The following GINS1 variants were observed in gnomAD, a reference collection of about 807,000 sequenced individuals.
GINS1 encodes the protein DNA replication complex GINS protein PSF1.
In GINS1, 26 loss-of-function variants were observed where a neutral mutation model predicts 34.9. The observed-to-expected ratio is 0.74, with a 90% CI of 0.55 to 1.03. GINS1 has a LOEUF of 1.03. Ranked by LOEUF, GINS1 falls within the 50% of genes least tolerant of loss-of-function variation. The pLI, the probability that GINS1 is intolerant of heterozygous loss-of-function variation, is 0.00. For missense variants in GINS1, 235 were observed against 237.9 expected (o/e 0.99, Z 0.08); for synonymous variants, 97 against 84.4 (o/e 1.15, Z -0.82).
At position 25,417,126 on chromosome 20, in the gene GINS1, C is replaced by A; in HGVS notation, c.163C>A (p.Arg55=). The A allele has an allele frequency of 1.3e-6, 2 of 1,575,994 alleles. No individual in the cohort carries two copies. Among genetic ancestry groups the A allele is most frequent in the Non-Finnish European group, 1.7e-6 (2 of 1,146,510 alleles). Residue 55 remains arginine, a synonymous_variant, in exon 3 of 7, where the codon CGA becomes AGA. Transcript: ENST00000262460. The part of the protein sequence containing the change: ...SDVNEAKSGG[R]SDLIPTIKFR... ...CAGGAATGAAGCAAAGTCAGGTGGACGAAGTGATTTGATACCAACTATCAA... is the reference window on the plus strand; with the variant it reads ...CAGGAATGAAGCAAAGTCAGGTGGAAGAAGTGATTTGATACCAACTATCAA...
intron 4 of GINS1, 61 bp downstream of exon 4, chr20:25,418,256 A>T: frequency 1.0e-6 from 1 of 959,812 alleles, no homozygotes; most frequent in African/African-American, 1.6e-5. Context: ...GCATTGTTCT[A>T]TAATAGTGTT....
chr20:25,437,132 A>C (rs1446894131), intron 5 of GINS1, among the ~76,000 whole-genome samples: 3 of 152,150 alleles, frequency 2.0e-5, no homozygotes, highest in Non-Finnish European at 4.4e-5. Flanking sequence ...CCTAGTCTTT[A>C]ATGTCTGGCT....
Position 25,447,792 on chromosome 20 carries a change from T to C in GINS1, c.*1801T>C, listed in dbSNP as rs1748365180. The C allele has an allele frequency of 6.6e-6, 1 of 152,254 alleles. No individual in the cohort carries two copies. 9.4% of individuals were successfully genotyped at this position (152,254 alleles called of 1,614,324 possible). On this transcript the variant is annotated 3_prime_UTR_variant, in exon 7 of 7. Transcript: ENST00000262460. ...CTGGCCCAGTGTACCACATTTCTTT[T>C]TGAGATTTGTTTTGGCTATGTTAAG...
At chr20:25,429,075 A>G (rs1380840212) in intron 5 of GINS1, among the ~76,000 whole-genome samples, 1 of 136,622 alleles carries the variant, frequency 7.3e-6, no homozygotes, top group Non-Finnish European at 1.6e-5. Context: ...TGCAACCTCC[A>G]CCTCCTGGGT....
In GINS1 at chr20:25,431,008, T is replaced by A. The variant is rs112841380; in HGVS notation, c.447+5681T>A. Among the ~76,000 whole-genome samples, 557 of 152,374 alleles carry A rather than the reference T, an allele frequency of 3.7e-3. 5 individuals are homozygous for A. The highest frequency in any genetic ancestry group is 0.01 in the Middle Eastern group (3 of 294). On this transcript the variant is annotated intron_variant, in intron 5 of 6. Transcript: ENST00000262460. ...GAAGGATTGGTGTTCTTGAAATGTT[T>A]GATAGAGTTACCCAGTGAAGCCATC...
intron 5 of GINS1, among the ~76,000 whole-genome samples, chr20:25,437,901 C>T (rs920545921): frequency 4.6e-5 from 7 of 151,922 alleles, no homozygotes; most frequent in Non-Finnish European, 7.4e-5. Flanking sequence ...GGTGGATCAC[C>T]TGAGGTCAGG....
chr20:25,446,149 A>G lies in GINS1; in HGVS notation c.*158A>G. On this transcript the variant is annotated 3_prime_UTR_variant, in exon 7 of 7. Coordinates refer to ENST00000262460, the MANE Select transcript of GINS1 (RefSeq NM_021067.5). The stretch of plus-strand genomic sequence containing the variant: ...GGCTAAGAAGTATAATTTGCTAACT[A>G]TTAAGGACTTTCTTTTTTTAATGTT... 4.1e-6 allele frequency: 2 copies of G among 487,232 alleles called. No individual in the cohort carries two copies. The highest frequency in any genetic ancestry group is 4.2e-5 in the South Asian group (1 of 24,070). The allele number at this position is 487,232 out of a possible 1,614,324, so 30.2% of individuals were successfully genotyped here. A position where few individuals can be genotyped will look rare whatever the true frequency, so the allele number is the denominator to read the frequency against.
At chr20:25,410,340 CAAAAA>C (rs951196192) in intron 1 of GINS1, among the ~76,000 whole-genome samples, 1 of 128,218 alleles carries the variant, frequency 7.8e-6, no homozygotes, top group Non-Finnish European at 1.7e-5. Context: ...GACTCCGCCT[CAAAAA>C]AAAAAAAAAG....
intron 1 of GINS1, 98 bp downstream of exon 1, chr20:25,407,993 C>G (rs2090258017): frequency 4.8e-6 from 4 of 838,404 alleles, no homozygotes; most frequent in Non-Finnish European, 7.9e-6. Context: ...GCACCTTGTT[C>G]CCTCCGAGCT....
chr20:25,429,289 C>A (rs1339814688), intron 5 of GINS1, among the ~76,000 whole-genome samples: 1 of 152,044 alleles, frequency 6.6e-6, no homozygotes, highest in Non-Finnish European at 1.5e-5. Flanking sequence ...ACGCCCGGCC[C>A]CATTCCTCTT....
chr20:25,413,054 T>A (rs560690635), intron 1 of GINS1, among the ~76,000 whole-genome samples: 13 of 151,014 alleles, frequency 8.6e-5, no homozygotes, highest in Admixed American at 3.3e-4. Flanking sequence ...TGTCAGTAGT[T>A]CATTTTTTTT....
chr20:25,434,041 T>C (rs533395731), intron 5 of GINS1, among the ~76,000 whole-genome samples: 1 of 152,034 alleles, frequency 6.6e-6, no homozygotes, highest in South Asian at 2.1e-4. Context: ...CCTAGCACTT[T>C]GGGAGTCCGA....
chr20:25,440,141 C>T (rs570510837), intron 5 of GINS1, among the ~76,000 whole-genome samples: 20 of 152,130 alleles, frequency 1.3e-4, no homozygotes, highest in Admixed American at 4.6e-4. Context: ...GCTGGGATTA[C>T]AGGCACGCAC....
chr20:25,415,314 T>C (rs2090313396), intron 2 of GINS1, among the ~76,000 whole-genome samples: 1 of 152,230 alleles, frequency 6.6e-6, no homozygotes, highest in African/African-American at 2.4e-5. Context: ...AAGCCATTCA[T>C]TGATTTACTC....
Position 25,425,239 on chromosome 20 carries a change from C to A in GINS1, c.359C>A (p.Ser120Tyr). 6.5e-7 allele frequency: 1 copy of A among 1,527,604 alleles called. No individual in the cohort carries two copies. Among genetic ancestry groups the A allele is most frequent in the Non-Finnish European group, 9.1e-7 (1 of 1,102,168 alleles). The allele number at this position is 1,527,604 out of a possible 1,614,324, so 94.6% of individuals were successfully genotyped here. The part of the protein sequence containing the change: ...EMEWFNNYKR[S>Y]LATYMRSLGG... ...GAGTGGTTTAATAATTATAAAAGAT[C>A]TCTTGCTACTTATATGAGGTCACTG... The change falls in exon 5 of 7, where the codon TCT becomes TAT. Residue 120 changes from serine (S) to tyrosine (Y), a missense_variant. Coordinates refer to ENST00000262460, the MANE Select transcript of GINS1 (RefSeq NM_021067.5).
chr20:25,411,388 C>T lies in GINS1; in HGVS notation c.76-2402C>T, dbSNP rs1251079797. 5 of 152,258 alleles carry T rather than the reference C, an allele frequency of 3.3e-5. No individual in the cohort carries two copies. In the South Asian group the frequency reaches 1.0e-3, roughly 32 times the overall value. 9.4% of individuals were successfully genotyped at this position (152,258 alleles called of 1,614,324 possible). On this transcript the variant is annotated intron_variant, in intron 1 of 6. Transcript: ENST00000262460. ...TGAGTAGTTGATTTTGGAATTGTGC[C>T]ATTTGTATATGCCACAGCATTTTTG...
intron 5 of GINS1, 86 bp from the exon 6 acceptor site, chr20:25,441,614 CTG>C: frequency 2.9e-6 from 2 of 691,762 alleles, no homozygotes; most frequent in Non-Finnish European, 5.2e-6. Flanking sequence ...TCCTTATTGT[CTG>C]TGTATTTGTA....
intron 1 of GINS1, chr20:25,409,099 G>T (rs1405939688): frequency 2.2e-6 from 2 of 904,566 alleles, no homozygotes; most frequent in South Asian, 5.1e-5. Context: ...GCCAAAGGAT[G>T]CTGCAGCACA....
intron 5 of GINS1, among the ~76,000 whole-genome samples, chr20:25,427,226 GCGATCT>G (rs2090396537): frequency 6.6e-6 from 1 of 152,034 alleles, no homozygotes. Context: ...ATGCAGTGGC[GCGATCT>G]CGGCTCAACC....
Sources: gnomAD v4.1 joint callset for allele counts (sites outside exome capture counted in the v4.1 genomes callset) on GRCh38, gnomAD v4.1.1 for gene constraint, MANE v1.5 for transcripts, NCBI Gene and HGNC (gene_info 2026-07-23, HGNC 2026-07-21) for gene names.